Variants in FRMD6 observed in about 807,000 individuals in gnomAD.
The protein encoded by FRMD6 is FERM domain-containing protein 6.
FRMD6 carries 37 observed loss-of-function variants against 73.2 expected under a neutral mutation model. The observed-to-expected ratio is 0.51, with a 90% CI of 0.39 to 0.66. FRMD6 has a LOEUF of 0.66. Ranked by LOEUF, FRMD6 falls within the 30% of genes least tolerant of loss-of-function variation. The pLI, the probability that FRMD6 is intolerant of heterozygous loss-of-function variation, is 0.00. For missense variants in FRMD6, 714 were observed against 780.5 expected (o/e 0.91, Z 1.02); for synonymous variants, 273 against 282.2 (o/e 0.97, Z 0.33).
the FRMD6 span, among the ~76,000 whole-genome samples, chr14:51,476,742 A>C: frequency 4.6e-5 from 7 of 152,230 alleles, no homozygotes; most frequent in East Asian, 7.7e-4. Flanking sequence ...TATTTTTGGT[A>C]TCCCTTAAGA....
chr14:51,549,707 T>G (rs112651543), intron 1 of FRMD6, among the ~76,000 whole-genome samples: 2,227 of 145,594 alleles, frequency 0.015, 23 homozygotes, highest in Non-Finnish European at 0.025. Flanking sequence ...GCCATTCTCC[T>G]GCCTCAGCCT....
chr14:51,610,756 C>T lies in FRMD6; in HGVS notation c.-147+40346C>T, dbSNP rs1218601454. ...CAGTTTTGAAAAAGTATATTTTCCC[C>T]AGGTCCCAGGGTTAGAAATTGTCAA... On this transcript the variant is annotated intron_variant, in intron 2 of 14. Coordinates refer to the FRMD6 transcript ENST00000356218. 2.0e-5 allele frequency among the ~76,000 whole-genome samples: 3 copies of T among 152,092 alleles called. No individual in the cohort carries two copies. In the East Asian group the frequency reaches 5.8e-4, roughly 29 times the overall value.
At chr14:51,518,537 G>A (rs938817604) in intron 1 of FRMD6, among the ~76,000 whole-genome samples, 2 of 152,192 alleles carry the variant, frequency 1.3e-5, no homozygotes, top group African/African-American at 2.4e-5. Flanking sequence ...GAGTCAGTGA[G>A]AAAACGCATA....
Position 51,701,052 on chromosome 14 carries a change from A to G in FRMD6, c.191-4A>G, listed in dbSNP as rs770491765. The G allele has an allele frequency of 5.0e-6, 7 of 1,399,044 alleles. No homozygotes were observed. The highest frequency in any genetic ancestry group is 5.8e-6 in the Non-Finnish European group (6 of 1,036,492). 86.7% of individuals were successfully genotyped at this position (1,399,044 alleles called of 1,614,324 possible). ...CATGTCGTCTCCTTTTTTTTAATGT[A>G]CAGATAATGAACATGTGTATATGGA... On this transcript the variant is annotated splice_polypyrimidine_tract_variant and splice_region_variant and intron_variant, in intron 3 of 13. Transcript: ENST00000344768.
At chr14:51,634,072 C>T (rs193115295) in intron 2 of FRMD6, among the ~76,000 whole-genome samples, 131 of 152,326 alleles carry the variant, frequency 8.6e-4, no homozygotes, top group Non-Finnish European at 8.2e-4. Flanking sequence ...TAAGATACAA[C>T]GTCCACAAAT....
At chr14:51,444,876 G>A in the FRMD6 span, among the ~76,000 whole-genome samples, 120 of 152,216 alleles carry the variant, frequency 7.9e-4, 1 homozygote, top group Non-Finnish European at 1.5e-3. Flanking sequence ...CATCTGGCCC[G>A]AGATGAAGCA....
intron 1 of FRMD6, among the ~76,000 whole-genome samples, chr14:51,683,335 T>C (rs912322178): frequency 4.6e-5 from 7 of 152,144 alleles, no homozygotes; most frequent in African/African-American, 1.7e-4. Context: ...TGTGGCACAG[T>C]CATTGCTCAC....
intron 2 of FRMD6, among the ~76,000 whole-genome samples, chr14:51,577,649 G>A (rs1192158257): frequency 6.6e-6 from 1 of 152,164 alleles, no homozygotes; most frequent in Non-Finnish European, 1.5e-5. Context: ...AACTCTGCAT[G>A]GAAAGTAGGA....
intron 1 of FRMD6, among the ~76,000 whole-genome samples, chr14:51,490,391 CAGAG>C (rs1004574927): frequency 6.6e-6 from 1 of 151,744 alleles, no homozygotes; most frequent in African/African-American, 2.4e-5. Flanking sequence ...GTATTTATGA[CAGAG>C]AGAGAGAGAC....
chr14:51,429,057 G>A, the FRMD6 span, among the ~76,000 whole-genome samples: 2 of 106,166 alleles, frequency 1.9e-5, no homozygotes, highest in African/African-American at 5.6e-5. Flanking sequence ...GGGAAGAGAA[G>A]AGGAGAAGAG....
intron 1 of FRMD6, among the ~76,000 whole-genome samples, chr14:51,677,762 A>G (rs1894497632): frequency 6.6e-6 from 1 of 152,140 alleles, no homozygotes; most frequent in South Asian, 2.1e-4. Context: ...CGCCAGATCT[A>G]GATGTGGGCC....
chr14:51,586,342 G>A lies in FRMD6; in HGVS notation c.-147+15932G>A, dbSNP rs186459443. On this transcript the variant is annotated intron_variant, in intron 2 of 14. Transcript: ENST00000356218. ...CACGTCTCTGGTGATTAGTGATGTT[G>A]AACATTTTTTCATATGTTTGTTGGC... is the stretch of plus-strand genomic sequence containing the variant. 3.6e-3 allele frequency among the ~76,000 whole-genome samples: 549 copies of A among 152,174 alleles called. 4 individuals are homozygous for A. Among genetic ancestry groups the A allele is most frequent in the Middle Eastern group, 0.031 (9 of 294 alleles).
At position 51,502,682 on chromosome 14, in the gene FRMD6, G is replaced by C. The variant is rs142437079; in HGVS notation, c.-210+13262G>C. The stretch of plus-strand genomic sequence containing the variant: ...GCTTATGATTGTCTTGGGTATTCAG[G>C]CTCTTTTTTGGTTCCATATGATTTT... On this transcript the variant is annotated intron_variant, in intron 1 of 14. Coordinates refer to the FRMD6 transcript ENST00000356218. 2.2e-3 allele frequency among the ~76,000 whole-genome samples: 340 copies of C among 152,160 alleles called. 3 individuals are homozygous for C. The highest frequency in any genetic ancestry group is 7.9e-3 in the African/African-American group (328 of 41,512).
intron 11 of FRMD6, chr14:51,720,673 G>A: frequency 2.3e-6 from 1 of 444,116 alleles, no homozygotes; most frequent in Non-Finnish European, 4.1e-6. Flanking sequence ...CTGCCCTTGT[G>A]TCTGTATTTC....
rs1898149159 is a variant in FRMD6 at position 51,729,449 on chromosome 14, TAA to T, written c.*1422_*1423del. ...GAGTGAATTTATCAATCTTTTGATG[TAA>T]AGTAAAAACGTAGTTCACACTTCAG... On this transcript the variant is annotated 3_prime_UTR_variant, in exon 14 of 14. Transcript: ENST00000344768. 2 of 152,770 alleles carry T rather than the reference TAA, an allele frequency of 1.3e-5. No homozygotes were observed. Among genetic ancestry groups the T allele is most frequent in the South Asian group, 4.1e-4 (2 of 4,822 alleles). 9.5% of individuals were successfully genotyped at this position (152,770 alleles called of 1,614,324 possible). A position where few individuals can be genotyped will look rare whatever the true frequency, so the allele number is the denominator to read the frequency against.
At chr14:51,425,099 C>T in the FRMD6 span, among the ~76,000 whole-genome samples, 1 of 152,192 alleles carries the variant, frequency 6.6e-6, no homozygotes, top group Non-Finnish European at 1.5e-5. Context: ...CCCTTTCCTC[C>T]TTTTGTCTCC....
At chr14:51,508,332 A>G (rs1884095104) in intron 1 of FRMD6, among the ~76,000 whole-genome samples, 1 of 152,334 alleles carries the variant, frequency 6.6e-6, no homozygotes, top group Non-Finnish European at 1.5e-5. Flanking sequence ...CTGTCCCCAG[A>G]GCAAATTGTC....
chr14:51,442,078 G>A, the FRMD6 span, among the ~76,000 whole-genome samples: 18 of 152,276 alleles, frequency 1.2e-4, no homozygotes, highest in African/African-American at 4.3e-4. Flanking sequence ...CAGTTGCAGT[G>A]TAAGGACCGT....
At chr14:51,679,398 A>G (rs1894639908) in intron 1 of FRMD6, among the ~76,000 whole-genome samples, 1 of 150,720 alleles carries the variant, frequency 6.6e-6, no homozygotes. Flanking sequence ...ATGCATATGT[A>G]GCATATAGAG....
Sources: allele counts gnomAD v4.1 joint callset (sites outside exome capture counted in the v4.1 genomes callset), GRCh38; gene constraint gnomAD v4.1.1; transcripts MANE v1.5; gene names NCBI Gene and HGNC (gene_info 2026-07-23, HGNC 2026-07-21).